GPC6: variants seen among roughly 807,000 people sequenced by gnomAD.
The protein encoded by GPC6 is glypican-6.
A neutral mutation model predicts 55.2 loss-of-function variants in GPC6; 14 were observed. The observed-to-expected ratio is 0.25, with a 90% confidence interval of 0.17 to 0.40. The LOEUF (loss-of-function observed/expected upper bound fraction) is 0.40, where lower values mean the gene tolerates loss of function less well. Ranked by LOEUF, GPC6 falls within the 10% of genes least tolerant of loss-of-function variation. The probability of loss-of-function intolerance (pLI) is 1.00; values close to 1 mark genes in which losing one functional copy is unlikely to be tolerated. For missense variants in GPC6, 641 were observed against 708.5 expected, an observed-to-expected ratio of 0.90 and a Z score of 1.08; for synonymous variants, 278 against 259.6, an observed-to-expected ratio of 1.07 and a Z score of -0.68.
chr13:94,151,357 C>T (rs2138896228), intron 4 of GPC6, among the ~76,000 whole-genome samples: 1 of 152,212 alleles, frequency 6.6e-6, no homozygotes, highest in African/African-American at 2.4e-5. Context: ...ATAAACTGAA[C>T]AACAGAGAAA....
intron 2 of GPC6, among the ~76,000 whole-genome samples, chr13:93,739,665 G>A (rs985535681): frequency 1.3e-5 from 2 of 152,020 alleles, no homozygotes; most frequent in Non-Finnish European, 2.9e-5. Context: ...TCCTGACCTC[G>A]TGATCCACCC....
chr13:94,306,387 A>T, intron 6 of GPC6: 1 of 496,788 alleles, frequency 2.0e-6, no homozygotes, highest in Non-Finnish European at 3.6e-6. Context: ...ATTTCTCATG[A>T]AATATTAATT....
At chr13:93,610,855 T>C (rs932553404) in intron 2 of GPC6, among the ~76,000 whole-genome samples, 9 of 152,094 alleles carry the variant, frequency 5.9e-5, no homozygotes, top group Non-Finnish European at 1.0e-4. Flanking sequence ...ACCAATTCAC[T>C]GAGACTTATG....
In GPC6 at chr13:93,262,456, A is replaced by G. The variant is rs73540348; in HGVS notation, c.160+34840A>G. On this transcript the variant is annotated intron_variant, in intron 1 of 8. Transcript: ENST00000377047. ...TTGACACATTGTGACAAATCCTTCC[A>G]CATGTCTCATTTTCAAAAATTTATT... 7.0e-3 allele frequency among the ~76,000 whole-genome samples: 1,066 copies of G among 152,270 alleles called. 10 individuals carry two copies. Among genetic ancestry groups the G allele is most frequent in the African/African-American group, 0.023 (955 of 41,540 alleles).
intron 4 of GPC6, among the ~76,000 whole-genome samples, chr13:94,263,107 C>G (rs1891701631): frequency 6.6e-6 from 1 of 152,164 alleles, no homozygotes; most frequent in African/African-American, 2.4e-5. Flanking sequence ...ACCCATTTTA[C>G]CGATTTCTAA....
At chr13:93,602,598 TAGAA>T (rs10546160) in intron 2 of GPC6, among the ~76,000 whole-genome samples, 5,299 of 152,234 alleles carry the variant, frequency 0.035, 320 homozygotes, top group African/African-American at 0.12. Flanking sequence ...GAAGATGAGA[TAGAA>T]AGAATTGTAG....
chr13:93,743,961 G>C (rs895273034), intron 2 of GPC6, among the ~76,000 whole-genome samples: 4 of 152,292 alleles, frequency 2.6e-5, no homozygotes, highest in African/African-American at 9.6e-5. Flanking sequence ...CTTTACGTTA[G>C]TGAAATTAAT....
intron 4 of GPC6, among the ~76,000 whole-genome samples, chr13:94,250,265 G>A (rs1891309429): frequency 6.6e-6 from 1 of 152,132 alleles, no homozygotes; most frequent in Non-Finnish European, 1.5e-5. Flanking sequence ...ATCACACCAG[G>A]AGTCCATCTC....
At chr13:93,867,616 A>G (rs1465368556) in intron 3 of GPC6, among the ~76,000 whole-genome samples, 2 of 151,732 alleles carry the variant, frequency 1.3e-5, no homozygotes, top group Admixed American at 6.6e-5. Flanking sequence ...ACATGCCCCA[A>G]ATGGATGGAA....
chr13:94,271,364 A>ACG (rs1373300551), intron 4 of GPC6, among the ~76,000 whole-genome samples: 3 of 91,784 alleles, frequency 3.3e-5, no homozygotes, highest in African/African-American at 4.7e-5. Context: ...ATACACACAC[A>ACG]CACGCGCGCG....
At chr13:94,100,070 G>A (rs1370156215) in intron 4 of GPC6, among the ~76,000 whole-genome samples, 4 of 152,110 alleles carry the variant, frequency 2.6e-5, no homozygotes. Flanking sequence ...GTTTACCTAT[G>A]TAATAAACCT....
chr13:94,095,160 G>A (rs747689768), intron 4 of GPC6, among the ~76,000 whole-genome samples: 4 of 152,042 alleles, frequency 2.6e-5, no homozygotes, highest in African/African-American at 7.2e-5. Context: ...AGGTAAAATC[G>A]AAGGACCCAA....
intron 2 of GPC6, among the ~76,000 whole-genome samples, chr13:93,654,298 G>T (rs781236766): frequency 2.6e-5 from 4 of 151,946 alleles, no homozygotes; most frequent in African/African-American, 7.3e-5. Flanking sequence ...CTGTCGCCCA[G>T]GCTGGAGTGC....
intron 4 of GPC6, among the ~76,000 whole-genome samples, chr13:94,092,892 T>C (rs546790760): frequency 6.6e-6 from 1 of 152,150 alleles, no homozygotes; most frequent in Admixed American, 6.5e-5. Flanking sequence ...GTTGAACATG[T>C]TTTATATACC....
At chr13:93,463,548 T>C (rs1366978269) in intron 1 of GPC6, among the ~76,000 whole-genome samples, 3 of 152,172 alleles carry the variant, frequency 2.0e-5, no homozygotes, top group African/African-American at 7.2e-5. Context: ...GGTTTGTTTT[T>C]TGACAGGAAA....
At chr13:93,944,762 G>A (rs930640533) in intron 3 of GPC6, among the ~76,000 whole-genome samples, 2 of 152,164 alleles carry the variant, frequency 1.3e-5, no homozygotes, top group Admixed American at 6.5e-5. Flanking sequence ...TTGCACATTT[G>A]ATTATGGGCA....
At chr13:94,123,180 A>G (rs1886696063) in intron 4 of GPC6, among the ~76,000 whole-genome samples, 1 of 152,124 alleles carries the variant, frequency 6.6e-6, no homozygotes, top group South Asian at 2.1e-4. Context: ...ATATTTAAGT[A>G]TCAATATTTG....
rs180916057 is a variant in GPC6, at chr13:93,852,613, C to T, written c.711+22068C>T. 4.6e-5 allele frequency among the ~76,000 whole-genome samples: 7 copies of T among 151,830 alleles called. No homozygotes were observed. In the East Asian group the frequency reaches 1.4e-3, roughly 29 times the overall value. ...TTTCTGATTAATGATTTCTCTCTCTCTCTCCAATTAATAGCAGAAAACCAC... is the reference window on the plus strand; with the variant it reads ...TTTCTGATTAATGATTTCTCTCTCTTTCTCCAATTAATAGCAGAAAACCAC... On this transcript the variant is annotated intron_variant, in intron 3 of 8. Transcript: ENST00000377047.
intron 4 of GPC6, among the ~76,000 whole-genome samples, chr13:94,214,381 G>A (rs575541685): frequency 1.2e-4 from 19 of 152,332 alleles, no homozygotes; most frequent in African/African-American, 4.6e-4. Flanking sequence ...GACAGATTCA[G>A]TCAGGCTTGG....
Sources: gnomAD v4.1 joint callset for allele counts (sites outside exome capture counted in the v4.1 genomes callset) on GRCh38, gnomAD v4.1.1 for gene constraint, MANE v1.5 for transcripts, NCBI Gene and HGNC (gene_info 2026-07-23, HGNC 2026-07-21) for gene names.